EHD4: variants seen among roughly 807,000 people sequenced by gnomAD.
EHD4 encodes the protein EH domain-containing protein 4.
In EHD4, 37 loss-of-function variants were observed where a neutral mutation model predicts 51.0. The observed-to-expected ratio is 0.73, with a 90% CI of 0.56 to 0.95. The LOEUF is 0.95. Among genes scored for constraint, EHD4 ranks in the 40% least tolerant of loss-of-function variants. The pLI, the probability that EHD4 is intolerant of heterozygous loss-of-function variation, is 0.00. For missense variants in EHD4, 632 were observed against 733.1 expected (o/e 0.86, Z 1.59); for synonymous variants, 297 against 317.3 (o/e 0.94, Z 0.68).
intron 5 of EHD4, among the ~76,000 whole-genome samples, chr15:41,904,857 C>T (rs962690003): frequency 3.9e-5 from 6 of 152,232 alleles, no homozygotes; most frequent in Admixed American, 1.3e-4. Flanking sequence ...CTCCCCAGAG[C>T]GTGCCAGGCA....
At chr15:41,951,367 C>T (rs1259051729) in intron 2 of EHD4, among the ~76,000 whole-genome samples, 1 of 152,168 alleles carries the variant, frequency 6.6e-6, no homozygotes, top group African/African-American at 2.4e-5. Context: ...TTATTTTCAG[C>T]AAGTTTTAAA....
At chr15:41,910,994 A>C (rs2067545970) in intron 4 of EHD4, among the ~76,000 whole-genome samples, 1 of 152,248 alleles carries the variant, frequency 6.6e-6, no homozygotes, top group Admixed American at 6.5e-5. Flanking sequence ...AATCCTATTA[A>C]AGAAAACAGA....
intron 3 of EHD4, among the ~76,000 whole-genome samples, chr15:41,933,715 C>T (rs2067713124): frequency 6.6e-6 from 1 of 152,190 alleles, no homozygotes; most frequent in African/African-American, 2.4e-5. Flanking sequence ...GGCTGTGTAA[C>T]AGGAATGTCC....
At chr15:41,921,880 A>G (rs2067627886) in intron 3 of EHD4, 1 of 152,144 alleles carries the variant, frequency 6.6e-6, no homozygotes, top group Non-Finnish European at 1.5e-5. Flanking sequence ...CTAGAGTTAG[A>G]CATTCACTTC....
intron 3 of EHD4, among the ~76,000 whole-genome samples, chr15:41,932,341 G>C (rs556031548): frequency 6.6e-6 from 1 of 152,296 alleles, no homozygotes; most frequent in East Asian, 1.9e-4. Context: ...CTGCAGGCAG[G>C]GTCTGCTCTG....
intron 3 of EHD4, among the ~76,000 whole-genome samples, chr15:41,927,008 G>A (rs746094830): frequency 6.6e-6 from 1 of 152,152 alleles, no homozygotes; most frequent in African/African-American, 2.4e-5. Context: ...TCTTCACTGT[G>A]TCTGTAACCC....
In EHD4 at chr15:41,953,816, G is replaced by A. The variant is rs376970234; in HGVS notation, c.361C>T (p.Pro121Ser). ...CTGAGCTTTCTAAACGGCTTTTTGG[G>A]GTCCACGACTAAAGCATTCCCTGGG... ...STPGNALVVD[P>S]KKPFRKLSRF... The change falls in exon 2 of 6, where the codon CCC becomes TCC. Residue 121 changes from proline to serine, a missense_variant. Transcript: ENST00000220325. 3.7e-6 allele frequency: 6 copies of A among 1,612,728 alleles called. No individual in the cohort carries two copies. In the African/African-American group the frequency reaches 6.7e-5, roughly 18 times the overall value.
chr15:41,908,754 G>A (rs1346264690), intron 5 of EHD4: 3 of 152,190 alleles, frequency 2.0e-5, no homozygotes, highest in African/African-American at 4.8e-5. Context: ...AGCACACCTC[G>A]GGATGGTTTT....
chr15:41,941,458 T>G (rs1174104742), intron 3 of EHD4: 1 of 152,186 alleles, frequency 6.6e-6, no homozygotes, highest in Non-Finnish European at 1.5e-5. Context: ...TTGTTAAATG[T>G]GACAGTGAGT....
At chr15:41,917,161 C>T (rs890388686) in intron 4 of EHD4, among the ~76,000 whole-genome samples, 1 of 152,018 alleles carries the variant, frequency 6.6e-6, no homozygotes, top group Non-Finnish European at 1.5e-5. Flanking sequence ...CACTCTGTCG[C>T]CTAGGCTGGA....
intron 1 of EHD4, among the ~76,000 whole-genome samples, chr15:41,957,166 C>T (rs1001382527): frequency 6.6e-6 from 1 of 152,046 alleles, no homozygotes; most frequent in Admixed American, 6.6e-5. Context: ...CCCGTCTCTA[C>T]AAAACATACA....
chr15:41,950,823 T>C (rs1313433099), intron 2 of EHD4, among the ~76,000 whole-genome samples: 1 of 152,222 alleles, frequency 6.6e-6, no homozygotes, highest in African/African-American at 2.4e-5. Flanking sequence ...CCTGATGGCC[T>C]CTCCCTGAGC....
At chr15:41,948,159 C>T (rs2067827659) in intron 2 of EHD4, among the ~76,000 whole-genome samples, 1 of 151,996 alleles carries the variant, frequency 6.6e-6, no homozygotes, top group African/African-American at 2.4e-5. Context: ...GAGGCTGAGG[C>T]AGAGAATTGC....
At chr15:41,950,530 C>T (rs79543872) in intron 2 of EHD4, among the ~76,000 whole-genome samples, 2,579 of 152,324 alleles carry the variant, frequency 0.017, 86 homozygotes, top group African/African-American at 0.059. Context: ...TGTTCCCAGA[C>T]GGAAGCTATA....
At chr15:41,948,997 C>A (rs1340663925) in intron 2 of EHD4, among the ~76,000 whole-genome samples, 23 of 133,828 alleles carry the variant, frequency 1.7e-4, no homozygotes, top group African/African-American at 6.0e-4. Context: ...CGCGCTCCAG[C>A]CTGGGCAACA....
chr15:41,945,946 C>T (rs909456961), intron 2 of EHD4, among the ~76,000 whole-genome samples: 1 of 152,198 alleles, frequency 6.6e-6, no homozygotes, highest in Non-Finnish European at 1.5e-5. Context: ...CTCCTCTGCG[C>T]CCAGTCTCCT....
chr15:41,949,051 T>TATATATATATACATAC (rs1491135423), intron 2 of EHD4, among the ~76,000 whole-genome samples: 3 of 109,464 alleles, frequency 2.7e-5, no homozygotes, highest in Non-Finnish European at 3.7e-5. Flanking sequence ...TATATATATA[T>TATATATATATACATAC]ACACACATAC....
At chr15:41,906,756 G>T (rs543846801) in intron 5 of EHD4, among the ~76,000 whole-genome samples, 2 of 152,370 alleles carry the variant, frequency 1.3e-5, no homozygotes, top group East Asian at 1.9e-4. Context: ...GCACTGCCAC[G>T]TTCCCCTTGG....
At chr15:41,957,514 C>G (rs1056958445) in intron 1 of EHD4, among the ~76,000 whole-genome samples, 1 of 152,084 alleles carries the variant, frequency 6.6e-6, no homozygotes, top group Non-Finnish European at 1.5e-5. Flanking sequence ...TTTGAGTCAG[C>G]CTCTTATCTT....
Sources: gnomAD v4.1 joint callset for allele counts (sites outside exome capture counted in the v4.1 genomes callset) on GRCh38, gnomAD v4.1.1 for gene constraint, MANE v1.5 for transcripts, NCBI Gene and HGNC (gene_info 2026-07-23, HGNC 2026-07-21) for gene names.